Variants in PDE10A observed in about 807,000 individuals in gnomAD.
PDE10A encodes phosphodiesterase 10A.
A neutral mutation model predicts 97.7 loss-of-function variants in PDE10A; 39 were observed. That is an observed-to-expected ratio of 0.40 (90% CI 0.31 to 0.52). The LOEUF (loss-of-function observed/expected upper bound fraction) is 0.52, where lower values mean the gene tolerates loss of function less well. PDE10A is among the 20% of genes least tolerant of loss of function. The pLI is 0.56. For missense variants in PDE10A, 731 were observed against 1,047.8 expected (o/e 0.70, Z 4.17); for synonymous variants, 371 against 376.8 (o/e 0.98, Z 0.18).
intron 1 of PDE10A, among the ~76,000 whole-genome samples, chr6:165,608,174 C>T (rs1787314263): frequency 6.6e-6 from 1 of 150,740 alleles, no homozygotes; most frequent in African/African-American, 2.4e-5. Flanking sequence ...AGGTTTGTTA[C>T]GTATGTATAC....
At chr6:165,451,395 C>T (rs1433819010) in intron 3 of PDE10A, among the ~76,000 whole-genome samples, 1 of 152,232 alleles carries the variant, frequency 6.6e-6, no homozygotes, top group Non-Finnish European at 1.5e-5. Flanking sequence ...AAACAACAGG[C>T]ACTGTAAACT....
At chr6:165,913,351 A>G (rs1472961732) in intron 1 of PDE10A, among the ~76,000 whole-genome samples, 2 of 151,980 alleles carry the variant, frequency 1.3e-5, no homozygotes, top group Admixed American at 6.6e-5. Context: ...AGGACCTCCT[A>G]CAGATAACAA....
intron 17 of PDE10A, among the ~76,000 whole-genome samples, chr6:165,383,798 A>G (rs1035214074): frequency 6.6e-6 from 1 of 152,228 alleles, no homozygotes; most frequent in Non-Finnish European, 1.5e-5. Flanking sequence ...AGATGTATGT[A>G]TGCTTGAGGT....
chr6:165,809,595 T>C (rs1779225590), intron 1 of PDE10A, among the ~76,000 whole-genome samples: 1 of 152,142 alleles, frequency 6.6e-6, no homozygotes, highest in Non-Finnish European at 1.5e-5. Context: ...GTGGGTGCCA[T>C]GAGTTTTCTG....
At chr6:165,614,730 A>T (rs1787647641) in intron 1 of PDE10A, among the ~76,000 whole-genome samples, 1 of 152,188 alleles carries the variant, frequency 6.6e-6, no homozygotes. Context: ...AGAAAAAATC[A>T]GAATGGCTGA....
rs143321339 is a variant in PDE10A at position 165,532,154 on chromosome 6, T to G, written c.994+11286A>C. 1.5e-3 allele frequency among the ~76,000 whole-genome samples: 232 copies of G among 152,230 alleles called. 1 individual carries two copies. Among genetic ancestry groups the G allele is most frequent in the African/African-American group, 5.2e-3 (217 of 41,556 alleles). ...GAAACTGGCTTCTAATTGGAATTGTTTGTGCCAGCTCCTCCCGTCTCGGGG... is the reference window on the plus strand; with the variant it reads ...GAAACTGGCTTCTAATTGGAATTGTGTGTGCCAGCTCCTCCCGTCTCGGGG... On this transcript the variant is annotated intron_variant, in intron 2 of 21. Coordinates refer to ENST00000539869, the MANE Select transcript of PDE10A (RefSeq NM_001385079.1).
At chr6:165,894,684 C>G (rs1414426541) in intron 1 of PDE10A, 4 of 362,832 alleles carry the variant, frequency 1.1e-5, no homozygotes, top group Non-Finnish European at 2.2e-5. Context: ...GAGGATTCTT[C>G]TCAATTCAGA....
At chr6:165,885,080 C>A (rs774641300) in intron 1 of PDE10A, among the ~76,000 whole-genome samples, 2 of 152,152 alleles carry the variant, frequency 1.3e-5, no homozygotes, top group Admixed American at 1.3e-4. Flanking sequence ...GCCGGCCCAC[C>A]CAGAGCTGGG....
At chr6:165,509,207 A>G (rs531842643) in intron 2 of PDE10A, among the ~76,000 whole-genome samples, 26 of 151,968 alleles carry the variant, frequency 1.7e-4, no homozygotes, top group Non-Finnish European at 3.8e-4. Context: ...AGAATGTGTC[A>G]TGATCGAGTC....
At chr6:165,936,181 C>G (rs1005115806) in intron 1 of PDE10A, among the ~76,000 whole-genome samples, 2 of 152,144 alleles carry the variant, frequency 1.3e-5, no homozygotes, top group African/African-American at 4.8e-5. Context: ...TTGAGCAGTC[C>G]TTGTACACTG....
At chr6:165,702,564 A>G (rs2128444025) in intron 1 of PDE10A, among the ~76,000 whole-genome samples, 1 of 152,368 alleles carries the variant, frequency 6.6e-6, no homozygotes, top group Non-Finnish European at 1.5e-5. Context: ...TATCTGAGTG[A>G]CAAGAAGTGT....
At chr6:165,940,991 A>C (rs1279725286) in intron 1 of PDE10A, among the ~76,000 whole-genome samples, 1 of 152,190 alleles carries the variant, frequency 6.6e-6, no homozygotes, top group Admixed American at 6.5e-5. Context: ...GGACTGCTGC[A>C]CGCACACTTC....
rs1162344809 is a variant in PDE10A, at chr6:165,467,222, G to A, written c.1023+15093C>T. Among the ~76,000 whole-genome samples, 4 of 152,240 alleles carry A rather than the reference G, an allele frequency of 2.6e-5. No homozygotes were observed. The South Asian group carries it at 6.2e-4, about 24-fold the overall frequency. On this transcript the variant is annotated intron_variant, in intron 3 of 21. Transcript: ENST00000539869. ...CATCTTCATAACAGAGAAGTGCAAT[G>A]TGAAGCAGCAAGTACTGATGGAGAA... is the stretch of plus-strand genomic sequence containing the variant.
intron 3 of PDE10A, among the ~76,000 whole-genome samples, chr6:165,460,278 T>TA (rs1240838528): frequency 6.6e-6 from 1 of 152,208 alleles, no homozygotes; most frequent in East Asian, 1.9e-4. Flanking sequence ...CAGGTACAAA[T>TA]ACATACAGGA....
At chr6:165,347,862 G>T (rs143505881) in intron 18 of PDE10A, among the ~76,000 whole-genome samples, 1 of 152,090 alleles carries the variant, frequency 6.6e-6, no homozygotes, top group African/African-American at 2.4e-5. Flanking sequence ...TAAAAAACAG[G>T]TAACACATCA....
rs554546520 is a variant in PDE10A at position 165,390,272 on chromosome 6, T to C, written c.2455-1819A>G. ...ATTGAAGACACTGAGCACTAACCCT[T>C]GGATCTCGCAAGGTGTGGGTCACTG... On this transcript the variant is annotated intron_variant, in intron 16 of 21. Coordinates refer to ENST00000539869, the MANE Select transcript of PDE10A (RefSeq NM_001385079.1). 3.6e-3 allele frequency among the ~76,000 whole-genome samples: 555 copies of C among 152,304 alleles called. 2 individuals are homozygous for C. The highest frequency in any genetic ancestry group is 0.012 in the African/African-American group (514 of 41,578).
chr6:165,718,539 A>G (rs556986263), intron 1 of PDE10A, among the ~76,000 whole-genome samples: 22 of 152,162 alleles, frequency 1.4e-4, no homozygotes, highest in Non-Finnish European at 3.2e-4. Context: ...GAGAATCAAC[A>G]TATCTGACTG....
intron 1 of PDE10A, among the ~76,000 whole-genome samples, chr6:165,691,804 CGTGTCCT>C (rs1791308931): frequency 6.6e-6 from 1 of 152,218 alleles, no homozygotes; most frequent in South Asian, 2.1e-4. Context: ...AGCCTGGCTG[CGTGTCCT>C]GTGTCCCCAT....
chr6:165,778,320 T>G (rs2128461163), intron 1 of PDE10A, among the ~76,000 whole-genome samples: 1 of 152,330 alleles, frequency 6.6e-6, no homozygotes, highest in Middle Eastern at 3.4e-3. Context: ...TCCACCCGTC[T>G]CAGCCTCCCA....
Sources: allele counts gnomAD v4.1 joint callset (sites outside exome capture counted in the v4.1 genomes callset), GRCh38; gene constraint gnomAD v4.1.1; transcripts MANE v1.5; gene names NCBI Gene and HGNC (gene_info 2026-07-23, HGNC 2026-07-21).